The following ETV5 variants were observed in gnomAD, a reference collection of about 807,000 sequenced individuals.
ETV5 encodes the protein ETS variant transcription factor 5, also known as ETS translocation variant 5.
In ETV5, 10 loss-of-function variants were observed where a neutral mutation model predicts 70.0. The ratio of observed to expected loss-of-function variants is 0.14; its 90% CI spans 0.09 to 0.24. The LOEUF (loss-of-function observed/expected upper bound fraction) is 0.24. Ranked by LOEUF, ETV5 falls within the 10% of genes least tolerant of loss-of-function variation. ETV5 has a pLI of 1.00. For synonymous variants in ETV5, 216 were observed against 242.2 expected (o/e 0.89, Z 1.01); for missense variants, 453 against 651.2 (o/e 0.70, Z 3.31).
chr3:186,106,957 G>A (rs1278430727), intron 1 of ETV5: 21 of 984,788 alleles, frequency 2.1e-5, no homozygotes, highest in Non-Finnish European at 2.5e-5. Flanking sequence ...CCAGCTCTAA[G>A]CAATTCAAAA....
At chr3:186,085,730 A>C (rs1714042395) in intron 5 of ETV5, among the ~76,000 whole-genome samples, 1 of 151,920 alleles carries the variant, frequency 6.6e-6, no homozygotes, top group Admixed American at 6.6e-5. Flanking sequence ...GGCTGGTCTC[A>C]AACTCCTGAC....
In ETV5 at chr3:186,073,039, G is replaced by A. The variant is rs1195822023; in HGVS notation, c.650+6778C>T. ...CTTAGCTACTAGGGAGGCTAAGGCA[G>A]GAGAATCGTTTGAACTCGGGAGGGG... On this transcript the variant is annotated intron_variant, in intron 7 of 12. Coordinates refer to ENST00000306376, the MANE Select transcript of ETV5 (RefSeq NM_004454.3). Among the ~76,000 whole-genome samples, 8 of 152,162 alleles carry A rather than the reference G, an allele frequency of 5.3e-5. No homozygotes were observed. In the South Asian group the frequency reaches 1.0e-3, roughly 20 times the overall value.
chr3:186,087,570 C>T lies in ETV5; in HGVS notation c.233-6395G>A, dbSNP rs73887751. On this transcript the variant is annotated intron_variant, in intron 5 of 12. Transcript: ENST00000306376. ...ATATATCAAATTTTAGAAAATCTTTCTTCTGTGATGGTCTAGAAACAGTCT... is the reference window on the plus strand; with the variant it reads ...ATATATCAAATTTTAGAAAATCTTTTTTCTGTGATGGTCTAGAAACAGTCT... Among the ~76,000 whole-genome samples, 952 of 152,274 alleles carry T rather than the reference C, an allele frequency of 6.3e-3. 12 individuals carry two copies. Among genetic ancestry groups the T allele is most frequent in the African/African-American group, 0.022 (911 of 41,566 alleles).
At chr3:186,076,782 C>T (rs181251730) in intron 7 of ETV5, among the ~76,000 whole-genome samples, 1 of 152,210 alleles carries the variant, frequency 6.6e-6, no homozygotes, top group East Asian at 1.9e-4. Context: ...AGATACGGCA[C>T]ACCCAGCAAA....
chr3:186,052,969 A>G lies in ETV5; in HGVS notation c.1210-838T>C, dbSNP rs1251889590. ...TGAGAATGACTGTCAAGGTAGTAGA[A>G]TAACCCTGGAAATGTGAGTTTTACT... On this transcript the variant is annotated intron_variant, in intron 11 of 12. Transcript: ENST00000306376. The surrounding 1 kb of genome is among the most constrained non-coding windows in gnomAD (Gnocchi z 4.5). Among the ~76,000 whole-genome samples, 5 of 152,174 alleles carry G rather than the reference A, an allele frequency of 3.3e-5. No individual in the cohort carries two copies. The East Asian group carries it at 9.6e-4, about 29-fold the overall frequency.
At chr3:186,069,800 A>G (rs1381047529) in intron 7 of ETV5, among the ~76,000 whole-genome samples, 1 of 152,026 alleles carries the variant, frequency 6.6e-6, no homozygotes, top group Non-Finnish European at 1.5e-5. Context: ...TACCCAGCTG[A>G]TGAAGGTATT....
At chr3:186,107,313 C>G (rs551302454) in intron 1 of ETV5, among the ~76,000 whole-genome samples, 1 of 152,278 alleles carries the variant, frequency 6.6e-6, no homozygotes, top group East Asian at 1.9e-4. Context: ...AAACCGTATA[C>G]AAAATCTGAG....
Position 186,105,350 on chromosome 3 carries a change from C to G in ETV5, c.187G>C (p.Val63Leu), listed in dbSNP as rs1377960309. Residue 63 changes from valine (V) to leucine (L), a missense_variant, in exon 5 of 13, where the codon GTT (valine) becomes CTT (leucine). Val to Leu is a conservative substitution (Grantham distance 32, BLOSUM62 1). Transcript: ENST00000306376. The surrounding 1 kb of genome is among the most constrained non-coding windows in gnomAD (Gnocchi z 4.5). ...GGGACAAACTGTTCATCATCAGGAA[C>G]TTGTGCTGGAAAATAGATTTTTATT... is the stretch of plus-strand genomic sequence containing the variant. ...LQEAWLAEAQVPDDEQFVPDF... is the reference protein window; with the variant it reads ...LQEAWLAEAQLPDDEQFVPDF... The G allele has an allele frequency of 6.2e-7, 1 of 1,613,422 alleles. No individual in the cohort carries two copies. Among genetic ancestry groups the G allele is most frequent in the Admixed American group, 1.7e-5 (1 of 59,908 alleles).
intron 5 of ETV5, among the ~76,000 whole-genome samples, chr3:186,085,875 TC>T (rs1714046326): frequency 6.6e-6 from 1 of 152,112 alleles, no homozygotes; most frequent in African/African-American, 2.4e-5. Context: ...CACTCTCCCT[TC>T]TATAGTCGAG....
intron 5 of ETV5, among the ~76,000 whole-genome samples, chr3:186,099,898 G>A (rs1006100954): frequency 3.3e-5 from 5 of 152,168 alleles, no homozygotes; most frequent in Non-Finnish European, 7.3e-5. Context: ...AAGCCTACTG[G>A]GTTTTGTTAG....
chr3:186,103,425 A>G (rs148402334), intron 5 of ETV5, among the ~76,000 whole-genome samples: 19 of 152,246 alleles, frequency 1.2e-4, no homozygotes, highest in African/African-American at 4.3e-4. Flanking sequence ...CAGCCATCTC[A>G]TCTCCCTTTT....
intron 9 of ETV5, 156 bp downstream of exon 9, chr3:186,064,261 C>T (rs1713380806): frequency 1.5e-6 from 1 of 672,994 alleles, no homozygotes; most frequent in Non-Finnish European, 2.6e-6. Flanking sequence ...ACTATGATCT[C>T]AAATCTTAGC....
chr3:186,080,152 T>G (rs777048488), intron 6 of ETV5, 48 bp from the exon 7 acceptor site: 3 of 1,416,088 alleles, frequency 2.1e-6, no homozygotes, highest in Non-Finnish European at 2.8e-6. Context: ...ATGAAGCCAT[T>G]AGCATGGTTA....
intron 7 of ETV5, among the ~76,000 whole-genome samples, chr3:186,074,316 A>G (rs574702254): frequency 1.3e-5 from 2 of 152,316 alleles, no homozygotes; most frequent in South Asian, 4.1e-4. Flanking sequence ...ATGTGAAGAC[A>G]CTGAGCCAGT....
intron 7 of ETV5, among the ~76,000 whole-genome samples, chr3:186,070,690 A>T (rs1378958933): frequency 2.0e-5 from 3 of 152,246 alleles, no homozygotes; most frequent in Non-Finnish European, 4.4e-5. Context: ...TCCTCAAAAT[A>T]CATCCTGTGA....
In ETV5 at chr3:186,046,597, G is replaced by A. The variant is rs1310644327; in HGVS notation, c.*2042C>T. ...CCCAGTGACAGCACAGGTCACGTAA[G>A]TTACAGCAGGGGAGGGGTAGCTCAA... On this transcript the variant is annotated 3_prime_UTR_variant, in exon 13 of 13. Coordinates refer to ENST00000306376, the MANE Select transcript of ETV5 (RefSeq NM_004454.3). The A allele has an allele frequency of 4.6e-6, 1 of 217,266 alleles. No individual in the cohort carries two copies. Among genetic ancestry groups the A allele is most frequent in the East Asian group, 6.8e-5 (1 of 14,776 alleles). The allele number at this position is 217,266 out of a possible 1,614,324, so 13.5% of individuals were successfully genotyped here. A position where few individuals can be genotyped will look rare whatever the true frequency, so the allele number is the denominator to read the frequency against.
intron 5 of ETV5, among the ~76,000 whole-genome samples, chr3:186,082,593 G>C (rs551294925): frequency 6.6e-6 from 1 of 151,986 alleles, no homozygotes; most frequent in Non-Finnish European, 1.5e-5. Context: ...GCTAATTTTT[G>C]TATTTTTAGT....
intron 5 of ETV5, among the ~76,000 whole-genome samples, chr3:186,089,694 G>A (rs562665510): frequency 4.6e-5 from 7 of 152,260 alleles, no homozygotes; most frequent in African/African-American, 1.4e-4. Flanking sequence ...AAAAGTCAGC[G>A]ACTGGCCAAG....
chr3:186,084,167 A>G (rs749449730), intron 5 of ETV5: 6 of 436,824 alleles, frequency 1.4e-5, no homozygotes, highest in South Asian at 1.0e-4. Context: ...AATAGTATTT[A>G]CCTTTGCACA....
Sources: allele counts gnomAD v4.1 joint callset (sites outside exome capture counted in the v4.1 genomes callset), GRCh38; gene constraint gnomAD v4.1.1; non-coding constraint Gnocchi (gnomAD v3.1); transcripts MANE v1.5; gene names NCBI Gene and HGNC (gene_info 2026-07-23, HGNC 2026-07-21).